The following RPRD1A variants were observed in gnomAD, a reference collection of about 807,000 sequenced individuals.
The protein encoded by RPRD1A is regulation of nuclear pre-mRNA domain containing 1A.
Under a neutral mutation model 37.8 loss-of-function variants are expected in RPRD1A, and 9 were observed. The ratio of observed to expected loss-of-function variants is 0.24; its 90% CI spans 0.14 to 0.42. The LOEUF (loss-of-function observed/expected upper bound fraction) is 0.42. RPRD1A is among the 10% of genes least tolerant of loss of function. The pLI, the probability that RPRD1A is intolerant of heterozygous loss-of-function variation, is 1.00. For synonymous variants in RPRD1A, 138 were observed against 139.7 expected, an observed-to-expected ratio of 0.99 and a Z score of 0.08; for missense variants, 255 against 371.0, an observed-to-expected ratio of 0.69 and a Z score of 2.57.
intron 4 of RPRD1A, 57 bp downstream of exon 4, chr18:36,030,751 C>G: frequency 9.6e-7 from 1 of 1,038,338 alleles, no homozygotes; most frequent in East Asian, 2.4e-5. Flanking sequence ...ATTAATAAAG[C>G]TTGGTGGCAA....
In RPRD1A at chr18:35,990,564, G is replaced by C. The variant is rs957374520; in HGVS notation, c.*2587C>G. ...GGAGAGAAGGAGCGCCCGAGAATCT[G>C]TTCAGATTGTGACTCCAGACAGCTC... On this transcript the variant is annotated 3_prime_UTR_variant, in exon 7 of 7. Transcript: ENST00000399022. 5 of 152,182 alleles carry C rather than the reference G, an allele frequency of 3.3e-5. No homozygotes were observed. The highest frequency in any genetic ancestry group is 6.5e-5 in the Admixed American group (1 of 15,268). The allele number at this position is 152,182 out of a possible 1,614,324, so 9.4% of individuals were successfully genotyped here.
intron 1 of RPRD1A, among the ~76,000 whole-genome samples, chr18:36,049,447 C>G (rs77590522): frequency 0.2 from 30,175 of 151,942 alleles, 3,070 homozygotes; most frequent in East Asian, 0.25. Flanking sequence ...CACCAAAAAA[C>G]TTAGGGAGTT....
intron 6 of RPRD1A, 72 bp from the exon 7 acceptor site, chr18:35,993,372 A>C: frequency 6.6e-7 from 1 of 1,506,182 alleles, no homozygotes; most frequent in Non-Finnish European, 9.1e-7. Context: ...GACCTACATA[A>C]ACCCAGGTAC....
rs1366848665 is a variant in RPRD1A, at chr18:36,015,165, CACATATAT to C, written c.789+11727_789+11734del. On this transcript the variant is annotated intron_variant, in intron 6 of 6. Coordinates refer to ENST00000399022, the MANE Select transcript of RPRD1A (RefSeq NM_018170.5). ...ACACACACACACACACACATATATACACATATATACACACACACACACACACACACACA... is the reference window on the plus strand; with the variant it reads ...ACACACACACACACACACATATATACACACACACACACACACACACACACA... 3.5e-4 allele frequency among the ~76,000 whole-genome samples: 35 copies of C among 100,852 alleles called. No homozygotes were observed. The South Asian group carries it at 9.9e-3, about 29-fold the overall frequency. The allele number at this position is 100,852 out of a possible 152,430, so 66.2% of individuals were successfully genotyped here.
chr18:36,062,323 C>CAAAAAAAA lies in RPRD1A; in HGVS notation c.151+4923_151+4930dup, dbSNP rs752980996. On this transcript the variant is annotated intron_variant, in intron 1 of 6. Coordinates refer to ENST00000399022, the MANE Select transcript of RPRD1A (RefSeq NM_018170.5). ...TGGGCGACAGAGCGAGACTCCGTCT[C>CAAAAAAAA]AAAAAAAAAAAAAAAAAAAAAAAAA... Among the ~76,000 whole-genome samples, 123 of 40,610 alleles carry CAAAAAAAA rather than the reference C, an allele frequency of 3.0e-3. 9 individuals carry two copies. The highest frequency in any genetic ancestry group is 0.012 in the African/African-American group (117 of 10,114). The allele number at this position is 40,610 out of a possible 152,430, so 26.6% of individuals were successfully genotyped here. A position where few individuals can be genotyped will look rare whatever the true frequency, so the allele number is the denominator to read the frequency against.
rs1789517 is a variant in RPRD1A at position 36,067,291 on chromosome 18, A to C, written c.114T>G (p.Arg38=). The part of the protein sequence containing the change: ...LWLIHHRKHS[R]PIVTVWEREL... ...CCCGCTCCCACACGGTGACGATGGG[A>C]CGCGAGTGTTTACGGTGGTGAATGA... Residue 38 remains arginine (R), a synonymous_variant, in exon 1 of 7, where the codon CGT becomes CGG. Coordinates refer to ENST00000399022, the MANE Select transcript of RPRD1A (RefSeq NM_018170.5). 1,499,509 of 1,601,146 alleles carry C rather than the reference A, an allele frequency of 0.94. 702,588 individuals carry two copies. Among genetic ancestry groups the C allele is most frequent in the East Asian group, 1 (43,919 of 43,928 alleles).
At chr18:36,015,126 T>TCA (rs1238163277) in intron 6 of RPRD1A, among the ~76,000 whole-genome samples, 2 of 122,672 alleles carry the variant, frequency 1.6e-5, no homozygotes, top group African/African-American at 3.7e-5. Flanking sequence ...AAGTAGGGTC[T>TCA]CACATACACA....
At position 35,990,960 on chromosome 18, in the gene RPRD1A, G is replaced by C. The variant is rs1243654810; in HGVS notation, c.*2191C>G. On this transcript the variant is annotated 3_prime_UTR_variant, in exon 7 of 7. Transcript: ENST00000399022. ...GTCGAGGGGTGGGATTCAGGTTTTTGAGTACTATCACTTATCACAAATCTC... is the reference window on the plus strand; with the variant it reads ...GTCGAGGGGTGGGATTCAGGTTTTTCAGTACTATCACTTATCACAAATCTC... The C allele has an allele frequency of 6.6e-6, 1 of 152,064 alleles. No homozygotes were observed. The highest frequency in any genetic ancestry group is 1.5e-5 in the Non-Finnish European group (1 of 68,020). The allele number at this position is 152,064 out of a possible 1,614,324, so 9.4% of individuals were successfully genotyped here.
intron 1 of RPRD1A, among the ~76,000 whole-genome samples, chr18:36,043,708 A>G (rs1315622215): frequency 6.6e-6 from 1 of 151,544 alleles, no homozygotes; most frequent in Non-Finnish European, 1.5e-5. Flanking sequence ...ATTGAAAGAA[A>G]TAATATTGAC....
At chr18:36,045,177 T>C (rs957161280) in intron 1 of RPRD1A, among the ~76,000 whole-genome samples, 4 of 151,996 alleles carry the variant, frequency 2.6e-5, no homozygotes, top group African/African-American at 9.7e-5. Context: ...GAGGTGGAGG[T>C]TGCAGTGAGC....
intron 1 of RPRD1A, among the ~76,000 whole-genome samples, chr18:36,037,682 G>A (rs1912293383): frequency 6.6e-6 from 1 of 152,170 alleles, no homozygotes; most frequent in Admixed American, 6.5e-5. Flanking sequence ...GAAAGATGTG[G>A]GAAAGTTTGG....
At chr18:36,060,517 A>G (rs1307551739) in intron 1 of RPRD1A, among the ~76,000 whole-genome samples, 1 of 152,208 alleles carries the variant, frequency 6.6e-6, no homozygotes, top group Non-Finnish European at 1.5e-5. Context: ...AATATACAGT[A>G]CTTATTTTAG....
chr18:35,998,381 T>C (rs1307982267), intron 6 of RPRD1A, among the ~76,000 whole-genome samples: 1 of 152,068 alleles, frequency 6.6e-6, no homozygotes. Context: ...AATGTAACTA[T>C]TAAAATAAAT....
At chr18:36,016,714 C>T (rs1052653143) in intron 6 of RPRD1A, among the ~76,000 whole-genome samples, 7 of 152,226 alleles carry the variant, frequency 4.6e-5, no homozygotes, top group African/African-American at 1.7e-4. Flanking sequence ...TGATTTAAAG[C>T]ACTGTTCTTC....
intron 6 of RPRD1A, among the ~76,000 whole-genome samples, chr18:36,019,579 G>A (rs919368538): frequency 6.6e-6 from 1 of 152,150 alleles, no homozygotes; most frequent in Admixed American, 6.5e-5. Context: ...AAACATGTAT[G>A]TTACAGTTCT....
At chr18:36,015,011 G>GTT (rs1334442280) in intron 6 of RPRD1A, among the ~76,000 whole-genome samples, 1 of 151,866 alleles carries the variant, frequency 6.6e-6, no homozygotes, top group African/African-American at 2.4e-5. Context: ...GCAAAATGTT[G>GTT]TAGCACTATG....
intron 6 of RPRD1A, among the ~76,000 whole-genome samples, chr18:36,015,131 T>TACAC (rs201284977): frequency 0.096 from 11,738 of 122,828 alleles, 524 homozygotes; most frequent in African/African-American, 0.13. Context: ...GGGTCTCACA[T>TACAC]ACACACACAC....
chr18:36,027,390 C>T (rs1195867110), intron 4 of RPRD1A, 80 bp from the exon 5 acceptor site: 7 of 1,469,596 alleles, frequency 4.8e-6, no homozygotes, highest in Non-Finnish European at 6.6e-6. Context: ...ATTCTTTCAT[C>T]CCTATGGGCT....
chr18:35,997,858 C>G (rs963752120), intron 6 of RPRD1A, among the ~76,000 whole-genome samples: 1 of 152,126 alleles, frequency 6.6e-6, no homozygotes, highest in Non-Finnish European at 1.5e-5. Context: ...TTCCTCATAC[C>G]ACCTCTCCCA....
Sources: allele counts gnomAD v4.1 joint callset (sites outside exome capture counted in the v4.1 genomes callset), GRCh38; gene constraint gnomAD v4.1.1; transcripts MANE v1.5; gene names NCBI Gene and HGNC (gene_info 2026-07-23, HGNC 2026-07-21).